LDAH: variants seen among roughly 807,000 people sequenced by gnomAD.
The protein encoded by LDAH is lipid droplet-associated hydrolase.
In LDAH, 26 loss-of-function variants were observed where a neutral mutation model predicts 29.6. The ratio of observed to expected loss-of-function variants is 0.88; its 90% CI spans 0.64 to 1.22. LDAH has a LOEUF of 1.22. Among genes scored for constraint, LDAH ranks in the 50% most tolerant of loss-of-function variants. The pLI, the probability that LDAH is intolerant of heterozygous loss-of-function variation, is 0.00. For missense variants in LDAH, 344 were observed against 387.3 expected, an observed-to-expected ratio of 0.89 and a Z score of 0.94; for synonymous variants, 117 against 133.0, an observed-to-expected ratio of 0.88 and a Z score of 0.83.
intron 1 of LDAH, among the ~76,000 whole-genome samples, chr2:20,805,509 G>C (rs1672002901): frequency 6.6e-6 from 1 of 152,150 alleles, no homozygotes; most frequent in South Asian, 2.1e-4. Flanking sequence ...ATTAACAAAG[G>C]AGAGTACGTT....
intron 5 of LDAH, among the ~76,000 whole-genome samples, chr2:20,713,981 A>G (rs112193022): frequency 1.0e-3 from 156 of 152,330 alleles, no homozygotes; most frequent in African/African-American, 3.7e-3. Context: ...ATGAGCCAGA[A>G]GGTTAACAAG....
chr2:20,751,684 C>A (rs539918), intron 4 of LDAH, among the ~76,000 whole-genome samples: 101,317 of 151,996 alleles, frequency 0.67, 34,405 homozygotes, highest in East Asian at 0.87. Context: ...AACTTCCTTA[C>A]TATAAAGAAA....
intron 5 of LDAH, among the ~76,000 whole-genome samples, chr2:20,712,887 T>C (rs1350483459): frequency 2.6e-5 from 4 of 152,200 alleles, no homozygotes; most frequent in East Asian, 1.9e-4. Flanking sequence ...TATGGGACTA[T>C]GTGAAAAGAC....
intron 5 of LDAH, 120 bp downstream of exon 5, chr2:20,739,851 G>T: frequency 9.3e-6 from 6 of 642,686 alleles, no homozygotes; most frequent in Non-Finnish European, 1.5e-5. Context: ...TAAACTTTTG[G>T]AAGAGGAAAA....
intron 4 of LDAH, among the ~76,000 whole-genome samples, chr2:20,753,366 A>T (rs535422294): frequency 6.6e-6 from 1 of 152,350 alleles, no homozygotes; most frequent in African/African-American, 2.4e-5. Flanking sequence ...CAGATCCTGT[A>T]TAATTGTTCA....
intron 2 of LDAH, among the ~76,000 whole-genome samples, chr2:20,797,983 T>C (rs1671417507): frequency 6.6e-6 from 1 of 152,060 alleles, no homozygotes; most frequent in African/African-American, 2.4e-5. Flanking sequence ...GTCTCGAAAA[T>C]GTGGGTAGAG....
chr2:20,768,407 G>C (rs1335777656), intron 4 of LDAH, among the ~76,000 whole-genome samples: 4 of 152,112 alleles, frequency 2.6e-5, no homozygotes, highest in Non-Finnish European at 5.9e-5. Context: ...CAGTGTGCCT[G>C]GTCCAGCTGC....
At chr2:20,709,020 T>A (rs891967175) in intron 5 of LDAH, among the ~76,000 whole-genome samples, 1 of 152,186 alleles carries the variant, frequency 6.6e-6, no homozygotes, top group African/African-American at 2.4e-5. Flanking sequence ...CATTTCTAAA[T>A]ATCTTCTTAA....
intron 1 of LDAH, among the ~76,000 whole-genome samples, chr2:20,822,161 G>C (rs957299800): frequency 6.8e-6 from 1 of 147,078 alleles, no homozygotes; most frequent in African/African-American, 2.5e-5. Flanking sequence ...GTCTCACTTT[G>C]TCGCCCAGGC....
intron 4 of LDAH, among the ~76,000 whole-genome samples, chr2:20,768,690 G>A (rs1453243657): frequency 1.3e-5 from 2 of 152,162 alleles, no homozygotes; most frequent in Non-Finnish European, 2.9e-5. Flanking sequence ...TTTCTGGCCA[G>A]AACAGCAACA....
intron 5 of LDAH, among the ~76,000 whole-genome samples, chr2:20,733,397 A>ATT (rs34191708): frequency 0.04 from 4,421 of 111,844 alleles, 194 homozygotes; most frequent in East Asian, 0.14. Context: ...ATGCCTGGCT[A>ATT]TTTTTTTTTT....
At chr2:20,730,927 A>G (rs780413145) in intron 5 of LDAH, among the ~76,000 whole-genome samples, 30 of 152,192 alleles carry the variant, frequency 2.0e-4, no homozygotes, top group Non-Finnish European at 3.8e-4. Flanking sequence ...TCAATATCAC[A>G]AAGTTTTGAT....
chr2:20,761,825 T>C (rs1668709433), intron 4 of LDAH, among the ~76,000 whole-genome samples: 1 of 151,892 alleles, frequency 6.6e-6, no homozygotes. Flanking sequence ...TGGAACAACT[T>C]TCTGCTCTAA....
In LDAH at chr2:20,698,239, C is replaced by A. The variant is rs1257016153; in HGVS notation, c.786+3331G>T. ...ACATCAAGACGAAGAAGACACAGCTCCTTACCTCAACGTGGGGAAAGGTGA... is the reference window on the plus strand; with the variant it reads ...ACATCAAGACGAAGAAGACACAGCTACTTACCTCAACGTGGGGAAAGGTGA... On this transcript the variant is annotated intron_variant, in intron 6 of 6. Transcript: ENST00000237822. The surrounding 1 kb of genome is among the most constrained non-coding windows in gnomAD (Gnocchi z 4.4). Among the ~76,000 whole-genome samples the A allele has an allele frequency of 6.6e-6, 1 of 152,194 alleles. No homozygotes were observed. The highest frequency in any genetic ancestry group is 1.9e-4 in the East Asian group (1 of 5,202).
At chr2:20,763,461 G>T (rs1346326432) in intron 4 of LDAH, among the ~76,000 whole-genome samples, 1 of 152,226 alleles carries the variant, frequency 6.6e-6, no homozygotes, top group African/African-American at 2.4e-5. Context: ...GGGGTGAAGA[G>T]GGGGAAGAAT....
At chr2:20,704,110 AT>A (rs1664145003) in intron 5 of LDAH, among the ~76,000 whole-genome samples, 1 of 152,248 alleles carries the variant, frequency 6.6e-6, no homozygotes, top group Admixed American at 6.5e-5. Flanking sequence ...AAAATGGACC[AT>A]GCAGATACTT....
chr2:20,819,021 G>A (rs529082373), intron 1 of LDAH, among the ~76,000 whole-genome samples: 1 of 152,124 alleles, frequency 6.6e-6, no homozygotes, highest in African/African-American at 2.4e-5. Context: ...TCTTAAATCT[G>A]TGCAAGTGGG....
At chr2:20,743,106 T>C (rs1469764483) in intron 4 of LDAH, among the ~76,000 whole-genome samples, 2 of 152,114 alleles carry the variant, frequency 1.3e-5, no homozygotes, top group African/African-American at 4.8e-5. Context: ...TGATTACTGG[T>C]AGTTAAATTA....
chr2:20,789,102 C>A lies in LDAH; in HGVS notation c.298+1153G>T, dbSNP rs112842804. The A allele has an allele frequency of 1.3e-3, 1,962 of 1,547,880 alleles. 22 individuals are homozygous for A. The African/African-American group carries it at 0.023, about 18-fold the overall frequency. On this transcript the variant is annotated intron_variant, in intron 3 of 6. Transcript: ENST00000237822. Reference sequence around the variant, plus strand: ...TCTTTCTGTCTGTTGTACCTCTGCACCCACCTCCATGCCCTAAATCCAAAT... The same window carrying A: ...TCTTTCTGTCTGTTGTACCTCTGCAACCACCTCCATGCCCTAAATCCAAAT...
Sources: allele counts gnomAD v4.1 joint callset (sites outside exome capture counted in the v4.1 genomes callset), GRCh38; gene constraint gnomAD v4.1.1; non-coding constraint Gnocchi (gnomAD v3.1); transcripts MANE v1.5; gene names NCBI Gene and HGNC (gene_info 2026-07-23, HGNC 2026-07-21).